The following KIF6 variants were observed in gnomAD, a reference collection of about 807,000 sequenced individuals.
KIF6 encodes kinesin family member 6, also known as kinesin-like protein KIF6.
Under a neutral mutation model 112.7 loss-of-function variants are expected in KIF6, and 106 were observed. That is an observed-to-expected ratio of 0.94 (90% CI 0.80 to 1.11). The LOEUF is 1.11. Ranked by LOEUF, KIF6 falls within the 50% of genes least tolerant of loss-of-function variation. KIF6 has a pLI of 0.00. For synonymous variants in KIF6, 339 were observed against 339.9 expected, an observed-to-expected ratio of 1.00 and a Z score of 0.03; for missense variants, 929 against 964.0, an observed-to-expected ratio of 0.96 and a Z score of 0.48.
intron 19 of KIF6, among the ~76,000 whole-genome samples, chr6:39,353,320 A>T (rs1397577955): frequency 6.6e-6 from 1 of 152,204 alleles, no homozygotes; most frequent in Non-Finnish European, 1.5e-5. Context: ...TCCCTGTGTG[A>T]CACAGGATGT....
At chr6:39,627,420 A>C (rs1367937308) in intron 5 of KIF6, among the ~76,000 whole-genome samples, 1 of 152,186 alleles carries the variant, frequency 6.6e-6, no homozygotes, top group African/African-American at 2.4e-5. Flanking sequence ...CCAGGGAAAC[A>C]GGGACTACGT....
At chr6:39,347,112 C>T (rs988895581) in intron 19 of KIF6, among the ~76,000 whole-genome samples, 30 of 152,200 alleles carry the variant, frequency 2.0e-4, no homozygotes, top group Non-Finnish European at 4.1e-4. Flanking sequence ...TAGATGTCAT[C>T]GTCTCCATTT....
At chr6:39,541,321 T>C (rs1434098472) in intron 12 of KIF6, among the ~76,000 whole-genome samples, 1 of 152,236 alleles carries the variant, frequency 6.6e-6, no homozygotes, top group Non-Finnish European at 1.5e-5. Context: ...GTGGCTTCCA[T>C]TCCTTGCCCC....
At position 39,332,257 on chromosome 6, in the gene KIF6, T is replaced by C. The variant is rs1208895138; in HGVS notation, c.*4275A>G. The C allele has an allele frequency of 6.6e-6, 1 of 152,212 alleles. No individual in the cohort carries two copies. Among genetic ancestry groups the C allele is most frequent in the African/African-American group, 2.4e-5 (1 of 41,444 alleles). The allele number at this position is 152,212 out of a possible 1,614,324, so 9.4% of individuals were successfully genotyped here. A position where few individuals can be genotyped will look rare whatever the true frequency, so the allele number is the denominator to read the frequency against. ...CCACCACACCCGGCCTCTATTTCTA[T>C]TGATGGTTTTTTCTCCTCTCATGGC... On this transcript the variant is annotated 3_prime_UTR_variant, in exon 23 of 23. Coordinates refer to ENST00000287152, the MANE Select transcript of KIF6 (RefSeq NM_145027.6).
chr6:39,351,942 G>C (rs114282026), intron 19 of KIF6, among the ~76,000 whole-genome samples: 3 of 152,202 alleles, frequency 2.0e-5, no homozygotes, highest in African/African-American at 7.2e-5. Flanking sequence ...GTGTGTGGAA[G>C]GTGCAGGTAT....
rs918540626 is a variant in KIF6 at position 39,584,827 on chromosome 6, C to T, written c.1077+71G>A. On this transcript the variant is annotated intron_variant, in intron 9 of 22. Transcript: ENST00000287152. ...GAACATTCCCAGTACAGAGCAAGTG[C>T]ACCTACAAGTTTTAGCTAATCTTTG... The T allele has an allele frequency of 6.7e-6, 6 of 894,802 alleles. No homozygotes were observed. In the African/African-American group the frequency reaches 1.0e-4, roughly 15 times the overall value. The allele number at this position is 894,802 out of a possible 1,614,324, so 55.4% of individuals were successfully genotyped here.
chr6:39,509,523 G>A lies in KIF6; in HGVS notation c.1645+30480C>T, dbSNP rs181795572. On this transcript the variant is annotated intron_variant, in intron 13 of 22. Transcript: ENST00000287152. ...ATGGCTAACTAGAATAGCCAGTGTAGAGAAGAGCTTAAATGACCTGATGGA... is the reference window on the plus strand; with the variant it reads ...ATGGCTAACTAGAATAGCCAGTGTAAAGAAGAGCTTAAATGACCTGATGGA... Among the ~76,000 whole-genome samples the A allele has an allele frequency of 1.3e-4, 20 of 152,344 alleles. No homozygotes were observed. The East Asian group carries it at 3.5e-3, about 26-fold the overall frequency.
At chr6:39,351,000 A>T (rs1764201440) in intron 19 of KIF6, among the ~76,000 whole-genome samples, 1 of 152,094 alleles carries the variant, frequency 6.6e-6, no homozygotes, top group South Asian at 2.1e-4. Flanking sequence ...ACCACAGGGG[A>T]CAGGGCTGAA....
chr6:39,466,075 T>C (rs1201878324), intron 13 of KIF6, among the ~76,000 whole-genome samples: 1 of 152,222 alleles, frequency 6.6e-6, no homozygotes, highest in Non-Finnish European at 1.5e-5. Flanking sequence ...GACAGACATC[T>C]CTGTGAGCTC....
chr6:39,415,301 TA>T (rs5875672), intron 15 of KIF6, among the ~76,000 whole-genome samples: 51,512 of 89,252 alleles, frequency 0.58, 13,209 homozygotes, highest in South Asian at 0.64. Flanking sequence ...TTTTAAAATG[TA>T]AAAAAAAAAA....
At chr6:39,536,748 C>A (rs1582079427) in intron 13 of KIF6, among the ~76,000 whole-genome samples, 1 of 151,494 alleles carries the variant, frequency 6.6e-6, no homozygotes, top group African/African-American at 2.4e-5. Flanking sequence ...CAAAGCCGGG[C>A]AGAGACACAA....
rs181049626 is a variant in KIF6, at chr6:39,493,471, T to G, written c.1645+46532A>C. On this transcript the variant is annotated intron_variant, in intron 13 of 22. Transcript: ENST00000287152. The stretch of plus-strand genomic sequence containing the variant: ...AGGCATGTGACAGATTCTTTCCTTC[T>G]CTGTTTCCCTTTGTACTCACTAGAT... 1.1e-3 allele frequency among the ~76,000 whole-genome samples: 167 copies of G among 152,360 alleles called. 1 individual carries two copies. Among genetic ancestry groups the G allele is most frequent in the Non-Finnish European group, 2.1e-3 (143 of 68,022 alleles).
chr6:39,723,511 C>A (rs1298450643), intron 1 of KIF6, among the ~76,000 whole-genome samples: 4 of 152,134 alleles, frequency 2.6e-5, no homozygotes, highest in African/African-American at 9.7e-5. Context: ...CAGTGATAGA[C>A]TGGTTAAAGA....
At chr6:39,485,333 G>C (rs984134042) in intron 13 of KIF6, among the ~76,000 whole-genome samples, 1 of 152,130 alleles carries the variant, frequency 6.6e-6, no homozygotes, top group Non-Finnish European at 1.5e-5. Context: ...CAGCAAGATT[G>C]TCCTTGACAA....
In KIF6 at chr6:39,465,756, AG is replaced by A. The variant is rs141834496; in HGVS notation, c.1646-34596del. ...TTTCTTCTGCCACTCCCCACCATAAAGGGTACATTGTGTTCTAACTACACTC... is the reference window on the plus strand; with the variant it reads ...TTTCTTCTGCCACTCCCCACCATAAAGGTACATTGTGTTCTAACTACACTC... On this transcript the variant is annotated intron_variant, in intron 13 of 22. Coordinates refer to ENST00000287152, the MANE Select transcript of KIF6 (RefSeq NM_145027.6). 5.6e-3 allele frequency among the ~76,000 whole-genome samples: 860 copies of A among 152,290 alleles called. 10 individuals carry two copies. Among genetic ancestry groups the A allele is most frequent in the African/African-American group, 0.02 (812 of 41,548 alleles).
At chr6:39,666,896 T>A (rs542549436) in intron 3 of KIF6, among the ~76,000 whole-genome samples, 25 of 152,362 alleles carry the variant, frequency 1.6e-4, no homozygotes, top group Non-Finnish European at 8.8e-5. Flanking sequence ...AGTCTAATTG[T>A]GTGGCCATTG....
chr6:39,624,866 CT>C (rs368258954), intron 5 of KIF6, among the ~76,000 whole-genome samples: 28 of 127,488 alleles, frequency 2.2e-4, no homozygotes, highest in African/African-American at 8.5e-4. Flanking sequence ...GCTAACATTT[CT>C]ATTATATGGA....
chr6:39,632,558 G>C (rs1339885271), intron 5 of KIF6, among the ~76,000 whole-genome samples: 1 of 151,040 alleles, frequency 6.6e-6, no homozygotes, highest in Non-Finnish European at 1.5e-5. Flanking sequence ...GTAATTAATA[G>C]CACATATGCT....
chr6:39,347,281 T>G (rs905589103), intron 19 of KIF6, among the ~76,000 whole-genome samples: 2 of 152,194 alleles, frequency 1.3e-5, no homozygotes, highest in African/African-American at 4.8e-5. Context: ...TGTGGCATTC[T>G]AGGAACACAC....
Sources: allele counts gnomAD v4.1 joint callset (sites outside exome capture counted in the v4.1 genomes callset), GRCh38; gene constraint gnomAD v4.1.1; transcripts MANE v1.5; gene names NCBI Gene and HGNC (gene_info 2026-07-23, HGNC 2026-07-21).